The following PGAP4 variants were observed in gnomAD, a reference collection of about 807,000 sequenced individuals.
PGAP4 encodes the protein post-GPI attachment to proteins GalNAc transferase 4.
A neutral mutation model predicts 28.2 loss-of-function variants in PGAP4; 12 were observed. The observed-to-expected ratio is 0.42, with a 90% CI of 0.27 to 0.69. The LOEUF (loss-of-function observed/expected upper bound fraction) is 0.69, where lower values mean the gene tolerates loss of function less well. Ranked by LOEUF, PGAP4 falls within the 30% of genes least tolerant of loss-of-function variation. The probability of loss-of-function intolerance (pLI) is 0.22; values close to 1 mark genes in which losing one functional copy is unlikely to be tolerated. For synonymous variants in PGAP4, 205 were observed against 211.8 expected (o/e 0.97, Z 0.28); for missense variants, 425 against 513.5 (o/e 0.83, Z 1.67).
intron 2 of PGAP4, among the ~76,000 whole-genome samples, chr9:101,494,456 T>C (rs181253272): frequency 3.3e-5 from 5 of 151,860 alleles, no homozygotes; most frequent in African/African-American, 9.7e-5. Context: ...ATAAAAACAT[T>C]TAAGTAAAGA....
intron 2 of PGAP4, among the ~76,000 whole-genome samples, chr9:101,497,551 A>C (rs1407693519): frequency 6.6e-6 from 1 of 151,624 alleles, no homozygotes; most frequent in Non-Finnish European, 1.5e-5. Context: ...ACACCTTAAT[A>C]TATATAAACA....
Position 101,476,977 on chromosome 9 carries a change from G to T in PGAP4, c.116C>A (p.Ala39Asp). 6.2e-7 allele frequency: 1 copy of T among 1,605,170 alleles called. No individual in the cohort carries two copies. Among genetic ancestry groups the T allele is most frequent in the Non-Finnish European group, 8.5e-7 (1 of 1,176,260 alleles). Residue 39 changes from alanine (A) to aspartate (D), a missense_variant, in exon 2 of 2, where the codon GCC becomes GAC. Transcript: ENST00000374848. The surrounding 1 kb of genome is among the most constrained non-coding windows in gnomAD (Gnocchi z 7.0). ...ILTVVTFGLL[A>D]PLACHRLLHS... ...TAGAAGTCGGTGACAGGCCAGGGGG[G>T]CCAGCAGGCCAAACGTCACCACTGT... is the stretch of plus-strand genomic sequence containing the variant.
At chr9:101,504,961 G>C (rs963712624) in intron 2 of PGAP4, among the ~76,000 whole-genome samples, 2 of 152,050 alleles carry the variant, frequency 1.3e-5, no homozygotes, top group Non-Finnish European at 2.9e-5. Context: ...TCATAGATGG[G>C]TTAGATGATA....
rs1444361153 is a variant in PGAP4, at chr9:101,486,266, C to A, written c.-78+683G>T. Reference sequence around the variant, plus strand: ...GTGTCTGTCGCTGACCTTGGGCAGTCCCTGCCACGCTTGAGCCTCAGTTTC... The same window carrying A: ...GTGTCTGTCGCTGACCTTGGGCAGTACCTGCCACGCTTGAGCCTCAGTTTC... On this transcript the variant is annotated intron_variant, in intron 1 of 1. Coordinates refer to ENST00000374848, the MANE Select transcript of PGAP4 (RefSeq NM_032342.3). The surrounding 1 kb of genome is among the most constrained non-coding windows in gnomAD (Gnocchi z 4.7). 1.3e-5 allele frequency among the ~76,000 whole-genome samples: 2 copies of A among 152,206 alleles called. No individual in the cohort carries two copies. Among genetic ancestry groups the A allele is most frequent in the Non-Finnish European group, 2.9e-5 (2 of 68,030 alleles).
intron 1 of PGAP4, chr9:101,479,910 G>C (rs1421259482): frequency 2.6e-5 from 4 of 152,176 alleles, no homozygotes; most frequent in Non-Finnish European, 1.5e-5. Context: ...AAGAGGCCAA[G>C]TCAAAACATG....
Position 101,495,029 on chromosome 9 carries a change from T to C in PGAP4, c.-164-5829A>G, listed in dbSNP as rs571860891. Among the ~76,000 whole-genome samples the C allele has an allele frequency of 6.2e-5, 9 of 145,820 alleles. No homozygotes were observed. In the East Asian group the frequency reaches 1.8e-3, roughly 29 times the overall value. ...ATTTATATAATTTTTGGAACATTTATATCAATACCATATCCCTAAATGTAA... is the reference window on the plus strand; with the variant it reads ...ATTTATATAATTTTTGGAACATTTACATCAATACCATATCCCTAAATGTAA... On this transcript the variant is annotated intron_variant, in intron 2 of 3. Transcript: ENST00000374851.
intron 2 of PGAP4, among the ~76,000 whole-genome samples, chr9:101,505,581 T>A (rs2118599546): frequency 6.6e-6 from 1 of 152,212 alleles, no homozygotes; most frequent in Non-Finnish European, 1.5e-5. Flanking sequence ...AAAAAATGGT[T>A]ATATAGTTTC....
At chr9:101,529,169 T>C (rs1480574549) in intron 2 of PGAP4, among the ~76,000 whole-genome samples, 256 of 138,498 alleles carry the variant, frequency 1.8e-3, no homozygotes, top group Middle Eastern at 3.6e-3. Flanking sequence ...TTTTTTTTTT[T>C]CTTGAAATGG....
At chr9:101,528,782 A>C (rs1366818047) in intron 2 of PGAP4, among the ~76,000 whole-genome samples, 3 of 151,818 alleles carry the variant, frequency 2.0e-5, no homozygotes, top group Admixed American at 2.0e-4. Context: ...ATTGTAACAT[A>C]GACACTTCTT....
chr9:101,477,097 T>A lies in PGAP4; in HGVS notation c.-5A>T. On this transcript the variant is annotated 5_prime_UTR_variant, in exon 2 of 2. The change abolishes the stop of an existing upstream ORF in the 5' untranslated region. Transcript: ENST00000374848. ...TGGAGAGGTTGAAGTGCTCATGAGGTCAACTTTTGTTCATGTCTGGTCCCA... is the reference window on the plus strand; with the variant it reads ...TGGAGAGGTTGAAGTGCTCATGAGGACAACTTTTGTTCATGTCTGGTCCCA... 1 of 1,557,200 alleles carries A rather than the reference T, an allele frequency of 6.4e-7. No individual in the cohort carries two copies. Among genetic ancestry groups the A allele is most frequent in the Non-Finnish European group, 8.7e-7 (1 of 1,155,296 alleles).
chr9:101,484,887 G>A (rs917365831), intron 1 of PGAP4, among the ~76,000 whole-genome samples: 3 of 152,168 alleles, frequency 2.0e-5, no homozygotes, highest in Non-Finnish European at 4.4e-5. Context: ...TTAATGTGGA[G>A]TATAATTTAG....
At chr9:101,479,524 T>G (rs999854994) in intron 1 of PGAP4, among the ~76,000 whole-genome samples, 7 of 152,182 alleles carry the variant, frequency 4.6e-5, no homozygotes, top group African/African-American at 1.7e-4. Flanking sequence ...CAGGAGAACC[T>G]TTGGTCCCAG....
In PGAP4 at chr9:101,486,361, GGGA is replaced by G. The variant is rs1564095377; in HGVS notation, c.-78+585_-78+587del. Among the ~76,000 whole-genome samples, 1 of 152,268 alleles carries G rather than the reference GGGA, an allele frequency of 6.6e-6. No homozygotes were observed. Among genetic ancestry groups the G allele is most frequent in the East Asian group, 1.9e-4 (1 of 5,156 alleles). On this transcript the variant is annotated intron_variant, in intron 1 of 1. Transcript: ENST00000374848. This position sits in a 1 kb window ranked among gnomAD's most constrained non-coding sequence, Gnocchi z 4.7. ...CCTTCTGCTGGTTTTTCCTGGTCCT[GGGA>G]GGGACGCCTTCCTCTGCCCAGTCGC...
Position 101,476,699 on chromosome 9 carries a change from A to G in PGAP4, c.394T>C (p.Cys132Arg). The G allele has an allele frequency of 6.2e-7, 1 of 1,614,150 alleles. No individual in the cohort carries two copies. Among genetic ancestry groups the G allele is most frequent in the East Asian group, 2.2e-5 (1 of 44,858 alleles). ...VSQFHRLLQQCGPQCEGHQLF... is the reference protein window; with the variant it reads ...VSQFHRLLQQRGPQCEGHQLF... ...TGGTGCCCCTCGCACTGGGGGCCAC[A>G]TTGCTGAAGAAGCCGGTGGAACTGG... Residue 132 changes from cysteine (C) to arginine (R), a missense_variant, in exon 2 of 2, where the codon TGT becomes CGT. Physicochemically the swap from Cys to Arg is radical, Grantham distance 180. Transcript: ENST00000374848. The surrounding 1 kb of genome is among the most constrained non-coding windows in gnomAD (Gnocchi z 7.0).
chr9:101,495,511 T>C (rs1826738927), intron 2 of PGAP4, among the ~76,000 whole-genome samples: 1 of 141,152 alleles, frequency 7.1e-6, no homozygotes, highest in Admixed American at 7.8e-5. Context: ...CTGGAAAATT[T>C]TAAAGTTAAT....
chr9:101,530,618 G>A (rs1223147549), intron 2 of PGAP4, among the ~76,000 whole-genome samples: 1 of 152,130 alleles, frequency 6.6e-6, no homozygotes, highest in Non-Finnish European at 1.5e-5. Flanking sequence ...AAGGTGGCTG[G>A]TCAGAAATGA....
At chr9:101,485,308 A>G (rs1192222526) in intron 1 of PGAP4, among the ~76,000 whole-genome samples, 2 of 152,212 alleles carry the variant, frequency 1.3e-5, no homozygotes, top group Non-Finnish European at 2.9e-5. Context: ...TACATACAGT[A>G]CAATGCACCA....
At chr9:101,515,549 T>C (rs1826936979) in intron 2 of PGAP4, among the ~76,000 whole-genome samples, 1 of 152,208 alleles carries the variant, frequency 6.6e-6, no homozygotes. Context: ...GTTTACATGG[T>C]AATGCAGGAC....
At chr9:101,517,594 G>A (rs951516282) in intron 2 of PGAP4, among the ~76,000 whole-genome samples, 2 of 152,116 alleles carry the variant, frequency 1.3e-5, no homozygotes, top group African/African-American at 2.4e-5. Context: ...AAAAATAAAA[G>A]CAAAGGAATG....
Sources: gnomAD v4.1 joint callset for allele counts (sites outside exome capture counted in the v4.1 genomes callset) on GRCh38, gnomAD v4.1.1 for gene constraint, Gnocchi (gnomAD v3.1) non-coding constraint, MANE v1.5 for transcripts, NCBI Gene and HGNC (gene_info 2026-07-23, HGNC 2026-07-21) for gene names.